ALDH18A1: variants seen among roughly 807,000 people sequenced by gnomAD.
ALDH18A1 encodes delta-1-pyrroline-5-carboxylate synthase.
Under a neutral mutation model 88.8 loss-of-function variants are expected in ALDH18A1, and 44 were observed. That is an observed-to-expected ratio of 0.50 (90% CI 0.39 to 0.64). The LOEUF (loss-of-function observed/expected upper bound fraction) is 0.64. Among genes scored for constraint, ALDH18A1 ranks in the 30% least tolerant of loss-of-function variants. The probability of loss-of-function intolerance (pLI) is 0.00; values close to 1 mark genes in which losing one functional copy is unlikely to be tolerated. For missense variants in ALDH18A1, 782 were observed against 1,009.5 expected (o/e 0.77, Z 3.05); for synonymous variants, 331 against 372.1 (o/e 0.89, Z 1.27).
rs769619620 is a variant in ALDH18A1 at position 95,628,441 on chromosome 10, AAT to A, written c.858_859del (p.Phe287LeufsTer15). 6.2e-7 allele frequency: 1 copy of A among 1,614,096 alleles called. No homozygotes were observed. Among genetic ancestry groups the A allele is most frequent in the South Asian group, 1.1e-5 (1 of 91,084 alleles). ...CACAGACTGCTGATCTCCGGGATAA[AAT>A]ATATCAATAAGCTTTGCATCATCTG... is the stretch of plus-strand genomic sequence containing the variant. On this transcript the variant is annotated frameshift_variant, in exon 8 of 18. Coordinates refer to ENST00000371224, the MANE Select transcript of ALDH18A1 (RefSeq NM_002860.4). LOFTEE classifies it high-confidence loss of function.
Position 95,611,369 on chromosome 10 carries a change from G to A in ALDH18A1, c.1997C>T (p.Thr666Ile). 6.2e-7 allele frequency: 1 copy of A among 1,614,242 alleles called. No individual in the cohort carries two copies. The highest frequency in any genetic ancestry group is 8.5e-7 in the Non-Finnish European group (1 of 1,180,040). The change falls in exon 16 of 18, where the codon ACT becomes ATT. Residue 666 changes from threonine to isoleucine, a missense_variant. Coordinates refer to ENST00000371224, the MANE Select transcript of ALDH18A1 (RefSeq NM_002860.4). ...GCATAATTCCAGGTCCCCATACTCA[G>A]TTCGGAGTGACTTCACTTCGGAGGG... is the stretch of plus-strand genomic sequence containing the variant. ...FSPSEVKSLR[T>I]EYGDLELCIE...
intron 12 of ALDH18A1, 127 bp downstream of exon 12, chr10:95,620,904 C>T (rs552953270): frequency 8.1e-5 from 75 of 925,324 alleles, no homozygotes; most frequent in Middle Eastern, 6.6e-4. Context: ...CAAACCTGCA[C>T]GTTGTGCACA....
intron 11 of ALDH18A1, among the ~76,000 whole-genome samples, chr10:95,623,493 T>C (rs1361608208): frequency 1.3e-5 from 2 of 152,120 alleles, no homozygotes; most frequent in African/African-American, 4.8e-5. Flanking sequence ...CTGCAACCTC[T>C]GCCTCCTAGG....
intron 11 of ALDH18A1, among the ~76,000 whole-genome samples, chr10:95,621,927 AC>A (rs1361085365): frequency 1.3e-5 from 2 of 152,186 alleles, no homozygotes; most frequent in Non-Finnish European, 2.9e-5. Flanking sequence ...ATCTAGGTTC[AC>A]TGACATGGAG....
intron 1 of ALDH18A1, 155 bp downstream of exon 1, chr10:95,656,442 C>CT (rs1355786760): frequency 8.5e-5 from 13 of 152,438 alleles, no homozygotes; most frequent in Admixed American, 7.2e-4. Flanking sequence ...AGGCCCACAC[C>CT]TACCCATGGG....
chr10:95,646,554 T>A (rs755942185), intron 2 of ALDH18A1, among the ~76,000 whole-genome samples: 1 of 152,116 alleles, frequency 6.6e-6, no homozygotes, highest in African/African-American at 2.4e-5. Context: ...GGGTTTCCTA[T>A]TGAACAACGC....
chr10:95,640,578 G>T (rs971919772), intron 3 of ALDH18A1, among the ~76,000 whole-genome samples: 2 of 152,152 alleles, frequency 1.3e-5, no homozygotes, highest in Non-Finnish European at 2.9e-5. Flanking sequence ...CTGACCTCAG[G>T]TGATCTGCCC....
intron 2 of ALDH18A1, among the ~76,000 whole-genome samples, chr10:95,652,299 G>A (rs571230340): frequency 3.9e-5 from 6 of 152,338 alleles, no homozygotes; most frequent in South Asian, 2.1e-4. Context: ...TCGTATCAAC[G>A]TCAATACCTT....
intron 7 of ALDH18A1, among the ~76,000 whole-genome samples, chr10:95,629,387 A>G (rs2097864858): frequency 1.3e-5 from 2 of 152,180 alleles, no homozygotes; most frequent in South Asian, 4.1e-4. Flanking sequence ...CTTTAAGACA[A>G]TCTTGCTACA....
At chr10:95,638,626 T>C (rs933268416) in intron 3 of ALDH18A1, among the ~76,000 whole-genome samples, 5 of 152,254 alleles carry the variant, frequency 3.3e-5, no homozygotes, top group African/African-American at 9.6e-5. Context: ...TCTGGTGGCA[T>C]GTCTAATCCT....
intron 2 of ALDH18A1, among the ~76,000 whole-genome samples, chr10:95,646,343 G>A (rs1471354205): frequency 1.3e-5 from 2 of 152,192 alleles, no homozygotes; most frequent in East Asian, 3.9e-4. Flanking sequence ...GTCTGTATCA[G>A]GAGAAGAGGG....
chr10:95,633,527 G>A lies in ALDH18A1; in HGVS notation c.681C>T (p.Pro227=), dbSNP rs765057940. The change falls in exon 6 of 18, where the codon CCC becomes CCT. Residue 227 remains proline, a synonymous_variant. Transcript: ENST00000371224. ...PIVNTNDAVV[P]PAEPNSDLQG... The stretch of plus-strand genomic sequence containing the variant: ...GCAGGTCACTGTTGGGCTCAGCTGG[G>A]GGGACAACAGCATCATTTGTGTTGA... 2.5e-6 allele frequency: 4 copies of A among 1,614,160 alleles called. No individual in the cohort carries two copies. In the Admixed American group the frequency reaches 6.7e-5, roughly 27 times the overall value.
intron 3 of ALDH18A1, among the ~76,000 whole-genome samples, chr10:95,642,540 G>A (rs1589556921): frequency 6.6e-6 from 1 of 152,130 alleles, no homozygotes; most frequent in East Asian, 1.9e-4. Context: ...ACTTGAGCTC[G>A]ATAGGTCCAG....
At chr10:95,646,758 G>T (rs538843905) in intron 2 of ALDH18A1, among the ~76,000 whole-genome samples, 43 of 152,216 alleles carry the variant, frequency 2.8e-4, no homozygotes, top group Non-Finnish European at 3.8e-4. Context: ...AAGAAAATCT[G>T]TCCCCTCTTA....
intron 6 of ALDH18A1, among the ~76,000 whole-genome samples, chr10:95,633,262 C>T (rs1015771706): frequency 7.9e-5 from 12 of 152,188 alleles, no homozygotes; most frequent in African/African-American, 2.9e-4. Context: ...GTCTTCTAGC[C>T]ACTGAAATAT....
intron 11 of ALDH18A1, 23 bp from the exon 12 acceptor site, chr10:95,621,274 T>C (rs563762852): frequency 6.3e-7 from 1 of 1,599,224 alleles, no homozygotes; most frequent in South Asian, 1.1e-5. Context: ...TAAGAGGATA[T>C]GATAAAGTAG....
At position 95,626,917 on chromosome 10, in the gene ALDH18A1, C is replaced by T. The variant is rs1470115159; in HGVS notation, c.1079-141G>A. The T allele has an allele frequency of 6.0e-6, 5 of 833,432 alleles. 1 individual carries two copies. In the African/African-American group the frequency reaches 8.4e-5, roughly 14 times the overall value. The allele number at this position is 833,432 out of a possible 1,614,324, so 51.6% of individuals were successfully genotyped here. ...ACATGATGTCTTGGTATGCTTGTTT[C>T]ACACAGGGGATCACCATGACCAATA... On this transcript the variant is annotated intron_variant, in intron 9 of 17. Coordinates refer to ENST00000371224, the MANE Select transcript of ALDH18A1 (RefSeq NM_002860.4).
rs905598489 is a variant in ALDH18A1, at chr10:95,623,571, C to CT, written c.1246+1790dup. Among the ~76,000 whole-genome samples, 202 of 144,538 alleles carry CT rather than the reference C, an allele frequency of 1.4e-3. 1 individual carries two copies. The highest frequency in any genetic ancestry group is 2.2e-3 in the Non-Finnish European group (145 of 65,560). The allele number at this position is 144,538 out of a possible 152,430, so 94.8% of individuals were successfully genotyped here. On this transcript the variant is annotated intron_variant, in intron 11 of 17. Coordinates refer to ENST00000371224, the MANE Select transcript of ALDH18A1 (RefSeq NM_002860.4). Reference sequence around the variant, plus strand: ...TACAAATGTGAGCTACCACGGCCGGCTTTTTTTTTTTGAGATGGAGTTTTG... The same window carrying CT: ...TACAAATGTGAGCTACCACGGCCGGCTTTTTTTTTTTTGAGATGGAGTTTTG...
intron 7 of ALDH18A1, among the ~76,000 whole-genome samples, chr10:95,631,792 C>T (rs1373316273): frequency 7.5e-6 from 1 of 133,182 alleles, no homozygotes; most frequent in Non-Finnish European, 1.6e-5. Flanking sequence ...ATGATGTAAA[C>T]ACATTAGAAC....
Sources: gnomAD v4.1 joint callset for allele counts (sites outside exome capture counted in the v4.1 genomes callset) on GRCh38, gnomAD v4.1.1 for gene constraint, MANE v1.5 for transcripts, NCBI Gene and HGNC (gene_info 2026-07-23, HGNC 2026-07-21) for gene names.